BORCS5: variants seen among roughly 807,000 people sequenced by gnomAD.
BORCS5 encodes the protein BLOC-1-related complex subunit 5.
In BORCS5, 17 loss-of-function variants were observed where a neutral mutation model predicts 22.1. The ratio of observed to expected loss-of-function variants is 0.77; its 90% CI spans 0.53 to 1.15. The LOEUF is 1.15. Ranked by LOEUF, BORCS5 falls within the 50% of genes most tolerant of loss-of-function variation. The pLI is 0.00. For missense variants in BORCS5, 247 were observed against 253.2 expected (o/e 0.98, Z 0.17); for synonymous variants, 117 against 99.8 (o/e 1.17, Z -1.03).
rs1221370920 is a variant in BORCS5 at position 12,414,377 on chromosome 12, C to T, written c.203-21251C>T. Among the ~76,000 whole-genome samples the T allele has an allele frequency of 6.8e-4, 73 of 107,400 alleles. 2 individuals are homozygous for T. In the East Asian group the frequency reaches 0.019, roughly 29 times the overall value. 70.5% of individuals were successfully genotyped at this position (107,400 alleles called of 152,430 possible). A position where few individuals can be genotyped will look rare whatever the true frequency, so the allele number is the denominator to read the frequency against. ...CTCCCGGACGGGGTGGCTGGTCAGGCGGGGGGCTGACCCCCCCACCTCCCT... is the reference window on the plus strand; with the variant it reads ...CTCCCGGACGGGGTGGCTGGTCAGGTGGGGGGCTGACCCCCCCACCTCCCT... On this transcript the variant is annotated intron_variant, in intron 2 of 3. Transcript: ENST00000314565.
intron 2 of BORCS5, among the ~76,000 whole-genome samples, chr12:12,428,276 C>G (rs1565904199): frequency 6.6e-6 from 1 of 152,192 alleles, no homozygotes; most frequent in Non-Finnish European, 1.5e-5. Context: ...TGAAAAAGAT[C>G]ACTCTGCAGA....
In BORCS5 at chr12:12,470,134, G is replaced by C. The variant is rs1268766006; in HGVS notation, c.*4358G>C. 1.3e-5 allele frequency among the ~76,000 whole-genome samples: 2 copies of C among 152,108 alleles called. No individual in the cohort carries two copies. The highest frequency in any genetic ancestry group is 6.5e-5 in the Admixed American group (1 of 15,270). ...TGCCCAGGCTGGAGTGCAGTGGCAC[G>C]ATCTCGGCTCACTGCAACCTCCGCC... On this transcript the variant is annotated 3_prime_UTR_variant, in exon 4 of 4. Transcript: ENST00000314565.
At chr12:12,367,128 C>G (rs953476283) in intron 2 of BORCS5, among the ~76,000 whole-genome samples, 1 of 152,112 alleles carries the variant, frequency 6.6e-6, no homozygotes, top group Admixed American at 6.6e-5. Context: ...TGAAAGCTTT[C>G]AAATCACATG....
intron 2 of BORCS5, among the ~76,000 whole-genome samples, chr12:12,416,956 AT>A (rs763610980): frequency 0.026 from 3,487 of 133,712 alleles, 94 homozygotes; most frequent in African/African-American, 0.075. Flanking sequence ...TACTTTTTGT[AT>A]TTTTTTTTTT....
At chr12:12,377,930 T>A (rs1863691151) in intron 2 of BORCS5, among the ~76,000 whole-genome samples, 1 of 152,214 alleles carries the variant, frequency 6.6e-6, no homozygotes, top group Non-Finnish European at 1.5e-5. Flanking sequence ...GGTTTAATAT[T>A]TTTTAGGGAT....
rs1943206825 is a variant in BORCS5 at position 12,466,533 on chromosome 12, A to G, written c.*757A>G. On this transcript the variant is annotated 3_prime_UTR_variant, in exon 4 of 4. Transcript: ENST00000314565. ...ATGTGTCCAATATTGTGCCAGGGAT[A>G]CAAATATGGCCGTATAGCCTCAGGC... 6.6e-6 allele frequency: 1 copy of G among 152,230 alleles called. No homozygotes were observed. Among genetic ancestry groups the G allele is most frequent in the Non-Finnish European group, 1.5e-5 (1 of 68,040 alleles). The allele number at this position is 152,230 out of a possible 1,614,324, so 9.4% of individuals were successfully genotyped here. A position where few individuals can be genotyped will look rare whatever the true frequency, so the allele number is the denominator to read the frequency against.
intron 1 of BORCS5, among the ~76,000 whole-genome samples, chr12:12,360,861 C>T (rs968885611): frequency 6.6e-6 from 1 of 152,160 alleles, no homozygotes; most frequent in Non-Finnish European, 1.5e-5. Flanking sequence ...GCTGGGATTA[C>T]AGGCACCCGC....
intron 3 of BORCS5, among the ~76,000 whole-genome samples, chr12:12,442,451 C>T (rs929465504): frequency 2.0e-5 from 3 of 152,148 alleles, no homozygotes; most frequent in African/African-American, 7.2e-5. Flanking sequence ...CTAGTAACTC[C>T]TGTTTTAATT....
Position 12,465,659 on chromosome 12 carries a change from C to CAT in BORCS5, c.476_477dup (p.Gln160TyrfsTer30). ...ACGAGATGTCCGCCATCCTCCGCCG[C>CAT]ATACAGATGGGCATCGACCAGACTG... On this transcript the variant is annotated frameshift_variant, in exon 4 of 4. Transcript: ENST00000314565. LOFTEE classifies it high-confidence loss of function. 1 of 1,614,266 alleles carries CAT rather than the reference C, an allele frequency of 6.2e-7. No homozygotes were observed. Among genetic ancestry groups the CAT allele is most frequent in the Non-Finnish European group, 8.5e-7 (1 of 1,180,052 alleles).
intron 2 of BORCS5, among the ~76,000 whole-genome samples, chr12:12,369,380 G>A (rs530677717): frequency 1.3e-4 from 20 of 152,144 alleles, no homozygotes; most frequent in South Asian, 4.1e-4. Context: ...TTAGGCTATC[G>A]TCTGCTTTTT....
intron 3 of BORCS5, among the ~76,000 whole-genome samples, chr12:12,437,912 T>C (rs191051745): frequency 1.2e-4 from 18 of 152,190 alleles, no homozygotes; most frequent in Admixed American, 4.6e-4. Context: ...TACAGGTGTA[T>C]GCCATCACGC....
chr12:12,422,887 G>T (rs1002313994), intron 2 of BORCS5, among the ~76,000 whole-genome samples: 2 of 150,250 alleles, frequency 1.3e-5, no homozygotes, highest in African/African-American at 4.9e-5. Flanking sequence ...TAATGTATCA[G>T]TCTCTTAACG....
In BORCS5 at chr12:12,468,276, T is replaced by A. The variant is rs1943234277; in HGVS notation, c.*2500T>A. 1 of 152,268 alleles carries A rather than the reference T, an allele frequency of 6.6e-6. No individual in the cohort carries two copies. The highest frequency in any genetic ancestry group is 2.4e-5 in the African/African-American group (1 of 41,474). 9.4% of individuals were successfully genotyped at this position (152,268 alleles called of 1,614,324 possible). A position where few individuals can be genotyped will look rare whatever the true frequency, so the allele number is the denominator to read the frequency against. On this transcript the variant is annotated 3_prime_UTR_variant, in exon 4 of 4. Transcript: ENST00000314565. ...ACTGGTAACATGGCATTACCAGTCC[T>A]TTCCCTCTCATGTTTTGCTATTTCC... is the stretch of plus-strand genomic sequence containing the variant.
chr12:12,464,906 C>T (rs963467025), intron 3 of BORCS5, among the ~76,000 whole-genome samples: 21 of 152,116 alleles, frequency 1.4e-4, no homozygotes, highest in African/African-American at 2.2e-4. Flanking sequence ...CCCGAGTGTC[C>T]GCCAAACTGC....
intron 2 of BORCS5, among the ~76,000 whole-genome samples, chr12:12,363,469 G>C (rs1431417392): frequency 6.6e-6 from 1 of 151,914 alleles, no homozygotes; most frequent in Non-Finnish European, 1.5e-5. Flanking sequence ...GGGCGCAGTG[G>C]CTTACGCCTG....
chr12:12,360,917 C>T (rs1368198751), intron 1 of BORCS5, among the ~76,000 whole-genome samples: 5 of 152,094 alleles, frequency 3.3e-5, no homozygotes, highest in South Asian at 2.1e-4. Flanking sequence ...GACAGGGTTT[C>T]GCCATGTTGG....
At chr12:12,368,555 C>T (rs1048811917) in intron 2 of BORCS5, among the ~76,000 whole-genome samples, 1 of 151,884 alleles carries the variant, frequency 6.6e-6, no homozygotes, top group Non-Finnish European at 1.5e-5. Flanking sequence ...AATGATCTTC[C>T]AACCTCAGCC....
At chr12:12,378,093 CG>C (rs562169197) in intron 2 of BORCS5, among the ~76,000 whole-genome samples, 11 of 152,188 alleles carry the variant, frequency 7.2e-5, no homozygotes, top group South Asian at 4.1e-4. Flanking sequence ...TATTATAGGC[CG>C]GGCACGGTGG....
chr12:12,463,800 T>C (rs770627011), intron 3 of BORCS5, among the ~76,000 whole-genome samples: 1 of 152,206 alleles, frequency 6.6e-6, no homozygotes, highest in East Asian at 1.9e-4. Context: ...ACAGTCTTCA[T>C]CAGGTGTGAA....
Sources: gnomAD v4.1 joint callset for allele counts (sites outside exome capture counted in the v4.1 genomes callset) on GRCh38, gnomAD v4.1.1 for gene constraint, MANE v1.5 for transcripts, NCBI Gene and HGNC (gene_info 2026-07-23, HGNC 2026-07-21) for gene names.